Variants in SLC16A1 observed in about 807,000 individuals in gnomAD.
SLC16A1 encodes the protein solute carrier family 16 member 1, also known as monocarboxylate transporter 1.
SLC16A1 carries 11 observed loss-of-function variants against 32.2 expected under a neutral mutation model. That is an observed-to-expected ratio of 0.34 (90% CI 0.21 to 0.56). The LOEUF (loss-of-function observed/expected upper bound fraction) is 0.56. SLC16A1 is among the 20% of genes least tolerant of loss of function. The probability of loss-of-function intolerance (pLI) is 0.87; values close to 1 mark genes in which losing one functional copy is unlikely to be tolerated. For missense variants in SLC16A1, 435 were observed against 615.0 expected, an observed-to-expected ratio of 0.71 and a Z score of 3.10; for synonymous variants, 231 against 226.8, an observed-to-expected ratio of 1.02 and a Z score of -0.17.
chr1:112,940,091 A>G (rs374442432), intron 1 of SLC16A1, among the ~76,000 whole-genome samples: 32 of 139,536 alleles, frequency 2.3e-4, no homozygotes, highest in African/African-American at 7.9e-4. Flanking sequence ...TGTGTCACCC[A>G]GGCTGGAGTA....
At chr1:112,947,511 T>C (rs1360604852) in intron 1 of SLC16A1, among the ~76,000 whole-genome samples, 5 of 152,234 alleles carry the variant, frequency 3.3e-5, no homozygotes, top group Admixed American at 6.5e-5. Context: ...AAGAGCTAAA[T>C]TGAACTATTC....
chr1:112,922,117 G>A lies in SLC16A1; in HGVS notation c.234C>T (p.Ile78=), dbSNP rs543285418. The part of the protein sequence containing the change: ...VMYGGGPISS[I]LVNKYGSRIV... ...TACGACTTCCATATTTATTCACCAG[G>A]ATACTGCTGATAGGACCTAAAAGAC... The change falls in exon 3 of 5, where the codon ATC becomes ATT. Residue 78 remains isoleucine, a synonymous_variant. Coordinates refer to ENST00000369626, the MANE Select transcript of SLC16A1 (RefSeq NM_003051.4). The A allele has an allele frequency of 5.5e-5, 88 of 1,614,034 alleles. 2 individuals carry two copies. In the South Asian group the frequency reaches 8.9e-4, roughly 16 times the overall value.
intron 1 of SLC16A1, among the ~76,000 whole-genome samples, chr1:112,945,416 T>G (rs1482282295): frequency 6.6e-6 from 1 of 152,092 alleles, no homozygotes; most frequent in Non-Finnish European, 1.5e-5. Flanking sequence ...GGCTCACGCC[T>G]GTAATCCCAG....
rs1182153575 is a variant in SLC16A1 at position 112,928,752 on chromosome 1, A to G, written c.217+340T>C. Among the ~76,000 whole-genome samples, 3 of 152,168 alleles carry G rather than the reference A, an allele frequency of 2.0e-5. No individual in the cohort carries two copies. In the East Asian group the frequency reaches 5.8e-4, roughly 29 times the overall value. ...CATCAATTTTTAAAAATCTATATTT[A>G]TGTTTACATTTCAAGAGTCCAGCAG... On this transcript the variant is annotated intron_variant, in intron 2 of 4. Coordinates refer to ENST00000369626, the MANE Select transcript of SLC16A1 (RefSeq NM_003051.4).
chr1:112,917,607 G>C lies in SLC16A1; in HGVS notation c.799C>G (p.Leu267Val), dbSNP rs1648560610. Reference sequence around the variant, plus strand: ...AAAAACATGATCACATTTCCAGAGAGGTATAGCAAAAAGCCTCTGTGGGTG... The same window carrying C: ...AAAAACATGATCACATTTCCAGAGACGTATAGCAAAAAGCCTCTGTGGGTG... ...LFTHRGFLLY[L>V]SGNVIMFFGL... Residue 267 changes from leucine to valine, a missense_variant, in exon 4 of 5, where the codon CTC (leucine) becomes GTC (valine). Leu to Val is a conservative substitution (Grantham distance 32). Around this residue, in one of 2 missense-constraint regions of SLC16A1, gnomAD observed 324 missense variants for 500.3 expected, o/e 0.65. Coordinates refer to ENST00000369626, the MANE Select transcript of SLC16A1 (RefSeq NM_003051.4). This position sits in a 1 kb window ranked among gnomAD's most constrained non-coding sequence, Gnocchi z 4.1. The C allele has an allele frequency of 2.5e-6, 4 of 1,614,182 alleles. No individual in the cohort carries two copies. Among genetic ancestry groups the C allele is most frequent in the Non-Finnish European group, 3.4e-6 (4 of 1,180,032 alleles).
intron 1 of SLC16A1, among the ~76,000 whole-genome samples, chr1:112,948,990 C>A (rs777507727): frequency 6.6e-6 from 1 of 152,012 alleles, no homozygotes; most frequent in Admixed American, 6.6e-5. Context: ...ACCACCATGC[C>A]CGGTTAATTT....
chr1:112,943,959 A>G (rs1340779116), intron 1 of SLC16A1, among the ~76,000 whole-genome samples: 2 of 152,148 alleles, frequency 1.3e-5, no homozygotes, highest in Non-Finnish European at 2.9e-5. Flanking sequence ...AAAGAGACAG[A>G]CATAATCCCT....
At chr1:112,915,515 C>T (rs968356261) in intron 4 of SLC16A1, among the ~76,000 whole-genome samples, 3 of 152,170 alleles carry the variant, frequency 2.0e-5, no homozygotes, top group African/African-American at 7.2e-5. Context: ...ATTTGCTTTT[C>T]ACCCTGAAAG....
intron 2 of SLC16A1, among the ~76,000 whole-genome samples, chr1:112,924,854 AGAGT>A (rs1648880669): frequency 6.6e-6 from 1 of 152,146 alleles, no homozygotes; most frequent in Admixed American, 6.6e-5. Flanking sequence ...CCTGGGCAAC[AGAGT>A]GAGGTTCTGT....
At position 112,948,510 on chromosome 1, in the gene SLC16A1, ATTTT is replaced by A. The variant is rs879626727; in HGVS notation, c.-45+7521_-45+7524del. 5.4e-5 allele frequency among the ~76,000 whole-genome samples: 8 copies of A among 146,826 alleles called. No homozygotes were observed. In the East Asian group the frequency reaches 1.6e-3, roughly 29 times the overall value. ...GATGGAGTCTAGCCTAAAATATACA[ATTTT>A]TTTTTTTTTGAGACAGTCTTGCTCA... is the stretch of plus-strand genomic sequence containing the variant. On this transcript the variant is annotated intron_variant, in intron 1 of 4. Coordinates refer to ENST00000369626, the MANE Select transcript of SLC16A1 (RefSeq NM_003051.4).
chr1:112,945,732 C>A (rs935416855), intron 1 of SLC16A1, among the ~76,000 whole-genome samples: 2 of 151,606 alleles, frequency 1.3e-5, no homozygotes, highest in African/African-American at 4.9e-5. Context: ...GTGGCTCACA[C>A]CTGTAATCCC....
At chr1:112,914,289 T>C (rs74747256) in intron 4 of SLC16A1, 124 bp from the exon 5 acceptor site, 1 of 1,002,260 alleles carries the variant, frequency 1.0e-6, no homozygotes, top group Non-Finnish European at 1.5e-6. Context: ...CCCAAAATGA[T>C]GAATTAGTAT....
chr1:112,944,972 C>T (rs553392677), intron 1 of SLC16A1, among the ~76,000 whole-genome samples: 1 of 150,474 alleles, frequency 6.6e-6, no homozygotes, highest in African/African-American at 2.4e-5. Flanking sequence ...GGATTACAGG[C>T]CTGAGCCACT....
At chr1:112,949,014 T>C (rs1649799121) in intron 1 of SLC16A1, among the ~76,000 whole-genome samples, 2 of 151,180 alleles carry the variant, frequency 1.3e-5, no homozygotes, top group Admixed American at 6.6e-5. Flanking sequence ...GTATTTTTAG[T>C]AGTAAAATAT....
intron 4 of SLC16A1, among the ~76,000 whole-genome samples, chr1:112,916,953 T>A (rs1648533449): frequency 1.3e-5 from 2 of 152,100 alleles, no homozygotes; most frequent in African/African-American, 4.8e-5. Context: ...AACACTGACA[T>A]TTGTAACAAT....
intron 1 of SLC16A1, among the ~76,000 whole-genome samples, chr1:112,938,879 T>TA (rs1649400832): frequency 1.4e-5 from 2 of 146,066 alleles, no homozygotes; most frequent in Non-Finnish European, 3.0e-5. Flanking sequence ...AAGCATTTCT[T>TA]TTTTTTTTTT....
chr1:112,923,434 C>A, intron 2 of SLC16A1: 2 of 688,948 alleles, frequency 2.9e-6, no homozygotes, highest in Non-Finnish European at 2.7e-6. Flanking sequence ...TGTCCCGGCC[C>A]TCCACGGTGT....
chr1:112,929,244 A>G lies in SLC16A1; in HGVS notation c.65T>C (p.Val22Ala). The G allele has an allele frequency of 3.7e-6, 6 of 1,614,134 alleles. No homozygotes were observed. The highest frequency in any genetic ancestry group is 5.1e-6 in the Non-Finnish European group (6 of 1,180,018). The change falls in exon 2 of 5, where the codon GTG becomes GCG. Residue 22 changes from valine (V) to alanine (A), a missense_variant. Val to Ala is a moderately conservative substitution (Grantham distance 64, BLOSUM62 0). Coordinates refer to ENST00000369626, the MANE Select transcript of SLC16A1 (RefSeq NM_003051.4). Reference sequence around the variant, plus strand: ...GATGGAAATGAAAGCTCCAATTACCACTGCCCAGCCCCAGCCTCCATCTGG... The same window carrying G: ...GATGGAAATGAAAGCTCCAATTACCGCTGCCCAGCCCCAGCCTCCATCTGG... ...TPPDGGWGWAVVIGAFISIGF... is the reference protein window; with the variant it reads ...TPPDGGWGWAAVIGAFISIGF...
Position 112,912,891 on chromosome 1 carries a change from C to A in SLC16A1, c.*1000G>T, listed in dbSNP as rs1339181976. On this transcript the variant is annotated 3_prime_UTR_variant, in exon 5 of 5. Transcript: ENST00000369626. The stretch of plus-strand genomic sequence containing the variant: ...AAGCTAGAAGCAGATATAAATGGGA[C>A]CACTGTGAATCAAAGGGGAAAAATT... The A allele has an allele frequency of 6.6e-6, 1 of 151,298 alleles. No homozygotes were observed. The highest frequency in any genetic ancestry group is 1.5e-5 in the Non-Finnish European group (1 of 67,906). The allele number at this position is 151,298 out of a possible 1,614,324, so 9.4% of individuals were successfully genotyped here. A position where few individuals can be genotyped will look rare whatever the true frequency, so the allele number is the denominator to read the frequency against.
Sources: gnomAD v4.1 joint callset for allele counts (sites outside exome capture counted in the v4.1 genomes callset) on GRCh38, gnomAD v4.1.1 for gene constraint, gnomAD v4.1.1 regional missense constraint, Gnocchi (gnomAD v3.1) non-coding constraint, MANE v1.5 for transcripts, NCBI Gene and HGNC (gene_info 2026-07-23, HGNC 2026-07-21) for gene names.